DNAH10: variants seen among roughly 807,000 people sequenced by gnomAD.
DNAH10 encodes dynein axonemal heavy chain 10.
A neutral mutation model predicts 506.6 loss-of-function variants in DNAH10; 348 were observed. The ratio of observed to expected loss-of-function variants is 0.69; its 90% CI spans 0.63 to 0.75. The LOEUF is 0.75. DNAH10 is among the 30% of genes least tolerant of loss of function. The pLI is 0.00. For synonymous variants in DNAH10, 2,059 were observed against 2,198.6 expected, an observed-to-expected ratio of 0.94 and a Z score of 1.78; for missense variants, 5,179 against 5,787.1, an observed-to-expected ratio of 0.89 and a Z score of 3.41.
chr12:123,796,566 C>G, intron 12 of DNAH10, 90 bp from the exon 13 acceptor site: 1 of 1,226,954 alleles, frequency 8.2e-7, no homozygotes, highest in Non-Finnish European at 1.1e-6. Flanking sequence ...TGACATTCCA[C>G]TTTTGGTTTC....
At chr12:123,793,074 C>G (rs1198607545) in intron 11 of DNAH10, among the ~76,000 whole-genome samples, 1 of 152,028 alleles carries the variant, frequency 6.6e-6, no homozygotes, top group African/African-American at 2.4e-5. Context: ...TGATGTTATT[C>G]TTGAGTTAAT....
intron 51 of DNAH10, among the ~76,000 whole-genome samples, chr12:123,884,707 G>A (rs1424317607): frequency 6.6e-6 from 1 of 152,144 alleles, no homozygotes; most frequent in African/African-American, 2.4e-5. Flanking sequence ...TTGTGTGTGT[G>A]TGTGGGGAGA....
intron 13 of DNAH10, among the ~76,000 whole-genome samples, chr12:123,797,273 G>A (rs1442469371): frequency 6.6e-6 from 1 of 152,214 alleles, no homozygotes; most frequent in African/African-American, 2.4e-5. Context: ...TATGTAGAGT[G>A]GCCCATTTGA....
chr12:123,921,691 G>GTTTTTTTTTTTTTT lies in DNAH10; in HGVS notation c.11507-2045_11507-2032dup, dbSNP rs35553163. 1.1e-4 allele frequency among the ~76,000 whole-genome samples: 7 copies of GTTTTTTTTTTTTTT among 62,836 alleles called. 1 individual carries two copies. Among genetic ancestry groups the GTTTTTTTTTTTTTT allele is most frequent in the Non-Finnish European group, 1.7e-4 (6 of 35,180 alleles). The allele number at this position is 62,836 out of a possible 152,430, so 41.2% of individuals were successfully genotyped here. ...CTTGTCCATCTGTCTGTAGCTTGCAGTTTTTTTTTTTTTTTTTTTTTTTTT... is the reference window on the plus strand; with the variant it reads ...CTTGTCCATCTGTCTGTAGCTTGCAGTTTTTTTTTTTTTTTTTTTTTTTTTTTTTTTTTTTTTTT... On this transcript the variant is annotated intron_variant, in intron 65 of 78. Transcript: ENST00000673944.
intron 64 of DNAH10, 137 bp from the exon 65 acceptor site, chr12:123,918,539 C>G: frequency 9.1e-7 from 1 of 1,102,394 alleles, no homozygotes; most frequent in African/African-American, 1.6e-5. Context: ...GGTGGGTGCC[C>G]TCGCTCCCCT....
rs1356379287 is a variant in DNAH10 at position 123,929,501 on chromosome 12, C to T, written c.12516+17C>T. The T allele has an allele frequency of 6.2e-7, 1 of 1,609,422 alleles. No individual in the cohort carries two copies. Among genetic ancestry groups the T allele is most frequent in the Non-Finnish European group, 8.5e-7 (1 of 1,178,064 alleles). On this transcript the variant is annotated intron_variant, in intron 71 of 78. Coordinates refer to ENST00000673944, the MANE Select transcript of DNAH10 (RefSeq NM_001372106.1). The stretch of plus-strand genomic sequence containing the variant: ...GACTTCCAGGTGACAGTGGCTGCTT[C>T]TCCTTGGAAATGGCTTCCTTAGGCG...
intron 1 of DNAH10, among the ~76,000 whole-genome samples, chr12:123,766,779 G>A (rs1006623563): frequency 1.3e-5 from 2 of 151,910 alleles, no homozygotes; most frequent in Non-Finnish European, 2.9e-5. Context: ...ATTTGATATT[G>A]GCCATTTTTT....
intron 4 of DNAH10, among the ~76,000 whole-genome samples, chr12:123,773,144 T>A (rs1444959936): frequency 6.6e-6 from 1 of 152,248 alleles, no homozygotes; most frequent in African/African-American, 2.4e-5. Flanking sequence ...AAGAAATGTA[T>A]TCAGCCAGTG....
intron 69 of DNAH10, 200 bp downstream of exon 69, chr12:123,927,020 G>C: frequency 1.6e-6 from 1 of 630,102 alleles, no homozygotes; most frequent in Non-Finnish European, 2.6e-6. Flanking sequence ...TGATCATGGT[G>C]CTGTGCTGTT....
intron 52 of DNAH10, among the ~76,000 whole-genome samples, chr12:123,888,597 G>A (rs989118936): frequency 6.6e-6 from 1 of 152,194 alleles, no homozygotes; most frequent in African/African-American, 2.4e-5. Context: ...TTCCCTTGGA[G>A]CTGTTGGCAG....
chr12:123,928,080 T>C lies in DNAH10; in HGVS notation c.12106-307T>C. Reference sequence around the variant, plus strand: ...GGTCTCTTGCAGCCCTGCTCAGGAGTCCTCAGGGGACAGGAGCGACTGTGT... The same window carrying C: ...GGTCTCTTGCAGCCCTGCTCAGGAGCCCTCAGGGGACAGGAGCGACTGTGT... On this transcript the variant is annotated intron_variant, in intron 69 of 78. Coordinates refer to ENST00000673944, the MANE Select transcript of DNAH10 (RefSeq NM_001372106.1). This position sits in a 1 kb window ranked among gnomAD's most constrained non-coding sequence, Gnocchi z 4.9. 2.1e-6 allele frequency: 1 copy of C among 482,730 alleles called. No homozygotes were observed. The highest frequency in any genetic ancestry group is 3.7e-6 in the Non-Finnish European group (1 of 268,588). 29.9% of individuals were successfully genotyped at this position (482,730 alleles called of 1,614,324 possible). A position where few individuals can be genotyped will look rare whatever the true frequency, so the allele number is the denominator to read the frequency against.
intron 65 of DNAH10, among the ~76,000 whole-genome samples, chr12:123,920,342 A>G (rs1343912283): frequency 6.6e-6 from 1 of 152,270 alleles, no homozygotes; most frequent in African/African-American, 2.4e-5. Context: ...TAGGCTTTGA[A>G]GGCTAAGTGA....
Position 123,933,513 on chromosome 12 carries a change from T to C in DNAH10, c.13477+2T>C. On this transcript the variant is annotated splice_donor_variant, in intron 77 of 78. Transcript: ENST00000673944. LOFTEE classifies it high-confidence loss of function. ...AAGTGAATGAGCGGGCGGGACAAGG[T>C]ACCGTCAGCTCGTTAGGGATCCACA... is the stretch of plus-strand genomic sequence containing the variant. 6.3e-7 allele frequency: 1 copy of C among 1,591,618 alleles called. No homozygotes were observed. The highest frequency in any genetic ancestry group is 2.3e-5 in the East Asian group (1 of 43,882).
chr12:123,763,712 C>T (rs1014842249), intron 1 of DNAH10, among the ~76,000 whole-genome samples: 9 of 151,216 alleles, frequency 6.0e-5, no homozygotes, highest in Non-Finnish European at 1.0e-4. Context: ...TACAGGTATG[C>T]GTCACCATGC....
intron 73 of DNAH10, 24 bp downstream of exon 73, chr12:123,930,597 G>A: frequency 6.2e-7 from 1 of 1,602,920 alleles, no homozygotes; most frequent in Non-Finnish European, 8.5e-7. Context: ...GACATGAAAA[G>A]ATGTTTTCAA....
Position 123,835,522 on chromosome 12 carries a change from T to G in DNAH10, c.4896T>G (p.Phe1632Leu). The G allele has an allele frequency of 6.2e-7, 1 of 1,607,398 alleles. No individual in the cohort carries two copies. The highest frequency in any genetic ancestry group is 8.5e-7 in the Non-Finnish European group (1 of 1,176,660). Residue 1632 changes from phenylalanine (F) to leucine (L), a missense_variant, in exon 28 of 79, where the codon TTT becomes TTG. By Grantham distance (22) the Phe-to-Leu change is conservative. Transcript: ENST00000673944. The stretch of plus-strand genomic sequence containing the variant: ...AGTTTGACAACATCGATAAAGTATT[T>G]AAAAGGGCAAGTGACTCGCTTCTAT... The part of the protein sequence containing the change: ...AKKFDNIDKV[F>L]KRIMGETLKD...
At chr12:123,848,966 C>T (rs578084820) in intron 34 of DNAH10, 84 bp downstream of exon 34, 22 of 1,533,474 alleles carry the variant, frequency 1.4e-5, no homozygotes, top group Non-Finnish European at 1.9e-5. Flanking sequence ...GCGTCAGTTT[C>T]TGGGCCGTTG....
In DNAH10 at chr12:123,928,106, G is replaced by A. The variant is rs928413284; in HGVS notation, c.12106-281G>A. On this transcript the variant is annotated intron_variant, in intron 69 of 78. Transcript: ENST00000673944. The surrounding 1 kb of genome is among the most constrained non-coding windows in gnomAD (Gnocchi z 4.9). The stretch of plus-strand genomic sequence containing the variant: ...CCTCAGGGGACAGGAGCGACTGTGT[G>A]GGAGGAGCTGGGACTTCCAGGGCCA... The A allele has an allele frequency of 5.5e-6, 3 of 549,610 alleles. No homozygotes were observed. The highest frequency in any genetic ancestry group is 4.8e-4 in the Middle Eastern group (1 of 2,098). The allele number at this position is 549,610 out of a possible 1,614,324, so 34.0% of individuals were successfully genotyped here.
Position 123,848,077 on chromosome 12 carries a change from C to T in DNAH10, c.5931C>T (p.Gly1977=), listed in dbSNP as rs779877509. 17 of 1,613,390 alleles carry T rather than the reference C, an allele frequency of 1.1e-5. No homozygotes were observed. Among genetic ancestry groups the T allele is most frequent in the Admixed American group, 3.3e-5 (2 of 59,976 alleles). The change falls in exon 33 of 79, where the codon GGC becomes GGT. Residue 1977 remains glycine (G), a synonymous_variant. Transcript: ENST00000673944. ...TGCTCTGTGTTGTCACCAACTGTGG[C>T]GAAGGCATGGATTACAGGGTAAGGC... is the stretch of plus-strand genomic sequence containing the variant. ...LGLLCVVTNC[G]EGMDYRAVGK... is the part of the protein sequence containing the mutation.
Sources: allele counts gnomAD v4.1 joint callset (sites outside exome capture counted in the v4.1 genomes callset), GRCh38; gene constraint gnomAD v4.1.1; non-coding constraint Gnocchi (gnomAD v3.1); transcripts MANE v1.5; gene names NCBI Gene and HGNC (gene_info 2026-07-23, HGNC 2026-07-21).